The following COL10A1 variants were observed in gnomAD, a reference collection of about 807,000 sequenced individuals.
COL10A1 encodes the protein collagen alpha-1(X) chain.
In COL10A1, 10 loss-of-function variants were observed where a neutral mutation model predicts 18.2. The ratio of observed to expected loss-of-function variants is 0.55; its 90% confidence interval spans 0.34 to 0.93. The LOEUF (loss-of-function observed/expected upper bound fraction) is 0.93, where lower values mean the gene tolerates loss of function less well. Ranked by LOEUF, COL10A1 falls within the 40% of genes least tolerant of loss-of-function variation. The pLI, the probability that COL10A1 is intolerant of heterozygous loss-of-function variation, is 0.02. For missense variants in COL10A1, 897 were observed against 853.5 expected (o/e 1.05, Z -0.64); for synonymous variants, 330 against 316.6 (o/e 1.04, Z -0.45).
intron 1 of COL10A1, among the ~76,000 whole-genome samples, chr6:116,155,468 T>C (rs994888950): frequency 6.6e-6 from 1 of 152,136 alleles, no homozygotes; most frequent in Non-Finnish European, 1.5e-5. Context: ...TGGCCTAAAA[T>C]CGTATTTTAA....
chr6:116,190,473 A>G, the COL10A1 span, among the ~76,000 whole-genome samples: 1 of 152,016 alleles, frequency 6.6e-6, no homozygotes, highest in Non-Finnish European at 1.5e-5. Context: ...GATAGGTTAC[A>G]GAAGTTAGCG....
chr6:116,192,718 C>G, the COL10A1 span, among the ~76,000 whole-genome samples: 1 of 152,078 alleles, frequency 6.6e-6, no homozygotes, highest in Non-Finnish European at 1.5e-5. Context: ...AAAACTTCAA[C>G]TAACCAGAAT....
At chr6:116,151,487 T>G (rs1329827175) in intron 1 of COL10A1, among the ~76,000 whole-genome samples, 5 of 152,228 alleles carry the variant, frequency 3.3e-5, no homozygotes, top group Non-Finnish European at 1.5e-5. Context: ...TTTATTTACT[T>G]GAAATACATT....
chr6:116,203,417 C>T, the COL10A1 span, among the ~76,000 whole-genome samples: 6 of 151,900 alleles, frequency 3.9e-5, no homozygotes, highest in Non-Finnish European at 5.9e-5. Flanking sequence ...AGACACCTAA[C>T]ACCACAGATT....
upstream of COL10A1, among the ~76,000 whole-genome samples, chr6:116,163,119 T>C (rs1360941411): frequency 1.2e-4 from 9 of 74,332 alleles, no homozygotes; most frequent in Non-Finnish European, 1.9e-4. Context: ...ACAGCGAGAC[T>C]CCGTCTCAAA....
chr6:116,171,907 C>T, the COL10A1 span, among the ~76,000 whole-genome samples: 2 of 152,020 alleles, frequency 1.3e-5, no homozygotes, highest in African/African-American at 2.4e-5. Flanking sequence ...AGTTTAAGTC[C>T]GAGAGTGAGA....
the COL10A1 span, among the ~76,000 whole-genome samples, chr6:116,185,390 G>T: frequency 1.3e-5 from 2 of 152,044 alleles, no homozygotes; most frequent in African/African-American, 4.8e-5. Context: ...TTGTTCTAGG[G>T]TATAGTTTAA....
rs757820303 is a variant in COL10A1 at position 116,120,287 on chromosome 6, ACATGAGT to A, written c.1822_1828del (p.Thr608PhefsTer3). ...GCCATTCTTATACAGGCCTACCCAAACATGAGTCCCTTTCACATGCACGTGGTATGAA... is the reference window on the plus strand; with the variant it reads ...GCCATTCTTATACAGGCCTACCCAAACCCTTTCACATGCACGTGGTATGAA... On this transcript the variant is annotated frameshift_variant, in exon 3 of 3. Transcript: ENST00000651968. LOFTEE classifies it high-confidence loss of function. 6.2e-7 allele frequency: 1 copy of A among 1,614,230 alleles called. No individual in the cohort carries two copies. Among genetic ancestry groups the A allele is most frequent in the East Asian group, 2.2e-5 (1 of 44,890 alleles).
the COL10A1 span, among the ~76,000 whole-genome samples, chr6:116,210,366 G>GA: frequency 7.8e-4 from 115 of 146,602 alleles, no homozygotes; most frequent in African/African-American, 2.4e-3. Flanking sequence ...TGTACCATGT[G>GA]AAAAAAAAAA....
chr6:116,121,617 G>A lies in COL10A1; in HGVS notation c.499C>T (p.Pro167Ser), dbSNP rs1457455695. 1.9e-6 allele frequency: 3 copies of A among 1,613,922 alleles called. No individual in the cohort carries two copies. Among genetic ancestry groups the A allele is most frequent in the South Asian group, 1.1e-5 (1 of 91,066 alleles). Residue 167 changes from proline (P) to serine (S), a missense_variant, in exon 3 of 3, where the codon CCA becomes TCA. By Grantham distance (74) the Pro-to-Ser change is moderately conservative (BLOSUM62 -1). Transcript: ENST00000651968. ...KPGQQGPTGA[P>S]GPRGFPGEKG... The stretch of plus-strand genomic sequence containing the variant: ...TCTCCAGGAAAGCCCCTGGGTCCTG[G>A]GGCTCCTGTGGGTCCCTGTTGTCCA...
the COL10A1 span, among the ~76,000 whole-genome samples, chr6:116,215,486 C>T: frequency 3.3e-5 from 5 of 152,164 alleles, no homozygotes; most frequent in East Asian, 1.9e-4. Context: ...ACTGAGTCAC[C>T]TTGTCGACTT....
chr6:116,122,986 A>G (rs1779179465), intron 2 of COL10A1, among the ~76,000 whole-genome samples: 1 of 152,244 alleles, frequency 6.6e-6, no homozygotes, highest in South Asian at 2.1e-4. Context: ...TGTAGTGTAC[A>G]TACATGATTA....
At chr6:116,140,414 A>G (rs1298482572) in intron 1 of COL10A1, among the ~76,000 whole-genome samples, 1 of 152,048 alleles carries the variant, frequency 6.6e-6, no homozygotes, top group Admixed American at 6.6e-5. Context: ...AAGAACAGGT[A>G]CCCATTTTTT....
chr6:116,198,127 G>T, the COL10A1 span, among the ~76,000 whole-genome samples: 1 of 152,006 alleles, frequency 6.6e-6, no homozygotes, highest in Non-Finnish European at 1.5e-5. Flanking sequence ...GTGCTGGGTG[G>T]TCACCACATC....
chr6:116,126,864 A>T (rs1029643573), upstream of COL10A1, among the ~76,000 whole-genome samples: 1 of 152,128 alleles, frequency 6.6e-6, no homozygotes, highest in African/African-American at 2.4e-5. Context: ...AAAAAATATT[A>T]TTGGCTTAAC....
the COL10A1 span, among the ~76,000 whole-genome samples, chr6:116,198,653 A>G: frequency 1.3e-5 from 2 of 151,984 alleles, no homozygotes; most frequent in Admixed American, 6.6e-5. Flanking sequence ...GCTTGAGCCC[A>G]GGAGTTCAAA....
chr6:116,136,627 TTGTGAAATCTCAGA>T (rs1779611399), intron 1 of COL10A1, among the ~76,000 whole-genome samples: 1 of 152,178 alleles, frequency 6.6e-6, no homozygotes, highest in Non-Finnish European at 1.5e-5. Flanking sequence ...CAAATTTCAT[TTGTGAAATCTCAGA>T]TGTGACTTAC....
chr6:116,200,006 G>GGT, the COL10A1 span, among the ~76,000 whole-genome samples: 1 of 150,160 alleles, frequency 6.7e-6, no homozygotes, highest in African/African-American at 2.5e-5. Context: ...AAGTGGGGGG[G>GGT]GAAGAGTAAC....
At chr6:116,162,686 T>C (rs925683775), upstream of COL10A1, among the ~76,000 whole-genome samples, 29 of 152,210 alleles carry the variant, frequency 1.9e-4, no homozygotes, top group Admixed American at 1.9e-3. Context: ...TAGTATTTTG[T>C]TGAGGACTTT....
Sources: gnomAD v4.1 joint callset for allele counts (sites outside exome capture counted in the v4.1 genomes callset) on GRCh38, gnomAD v4.1.1 for gene constraint, MANE v1.5 for transcripts, NCBI Gene and HGNC (gene_info 2026-07-23, HGNC 2026-07-21) for gene names.